ANGPT1: variants seen among roughly 807,000 people sequenced by gnomAD.
ANGPT1 encodes angiopoietin 1, also known as angiopoietin-1.
A neutral mutation model predicts 62.2 loss-of-function variants in ANGPT1; 17 were observed. The observed-to-expected ratio is 0.27, with a 90% CI of 0.19 to 0.41. The LOEUF is 0.41. Among genes scored for constraint, ANGPT1 ranks in the 10% least tolerant of loss-of-function variants. The pLI, the probability that ANGPT1 is intolerant of heterozygous loss-of-function variation, is 1.00. For synonymous variants in ANGPT1, 199 were observed against 198.9 expected (o/e 1.00, Z 0.00); for missense variants, 478 against 594.9 (o/e 0.80, Z 2.04).
chr8:107,445,105 T>G (rs1023460574), intron 1 of ANGPT1, among the ~76,000 whole-genome samples: 1 of 152,212 alleles, frequency 6.6e-6, no homozygotes, highest in Non-Finnish European at 1.5e-5. Flanking sequence ...TGTGGTTCTC[T>G]CTGCACATGC....
At chr8:107,372,478 G>A (rs1816436023) in intron 1 of ANGPT1, among the ~76,000 whole-genome samples, 1 of 152,056 alleles carries the variant, frequency 6.6e-6, no homozygotes, top group Admixed American at 6.6e-5. Flanking sequence ...TTCTTATCCT[G>A]TATTCTAATA....
intron 1 of ANGPT1, among the ~76,000 whole-genome samples, chr8:107,389,349 G>A (rs1335049690): frequency 6.6e-6 from 1 of 152,156 alleles, no homozygotes; most frequent in Non-Finnish European, 1.5e-5. Flanking sequence ...ATCTAGGTCT[G>A]CCATGCATAA....
At chr8:107,372,076 GTTAT>G in intron 1 of ANGPT1, among the ~76,000 whole-genome samples, 1 of 152,252 alleles carries the variant, frequency 6.6e-6, no homozygotes, top group East Asian at 1.9e-4. Context: ...GTGTTGTTCA[GTTAT>G]TTATAGATTT....
intron 1 of ANGPT1, among the ~76,000 whole-genome samples, chr8:107,361,736 G>T (rs186027254): frequency 5.1e-4 from 78 of 151,770 alleles, no homozygotes; most frequent in African/African-American, 1.9e-3. Context: ...TATTAAGTAT[G>T]TATAAGAACA....
rs565205511 is a variant in ANGPT1 at position 107,399,962 on chromosome 8, T to A, written c.298-52865A>T. Among the ~76,000 whole-genome samples the A allele has an allele frequency of 7.9e-5, 12 of 152,164 alleles. No individual in the cohort carries two copies. The South Asian group carries it at 2.5e-3, about 32-fold the overall frequency. On this transcript the variant is annotated intron_variant, in intron 1 of 8. Coordinates refer to ENST00000517746, the MANE Select transcript of ANGPT1 (RefSeq NM_001146.5). ...TGAAAGTATAAATTAGAGCGCTAGG[T>A]TTCTCTCCCTCTAGACCCCATCTTA...
chr8:107,384,521 G>C (rs943822460), intron 1 of ANGPT1, among the ~76,000 whole-genome samples: 6 of 152,044 alleles, frequency 3.9e-5, no homozygotes, highest in Admixed American at 2.0e-4. Context: ...TTCTTGATCA[G>C]TAAGTGCATA....
In ANGPT1 at chr8:107,251,948, A is replaced by G; in HGVS notation, c.1404T>C (p.His468=). ...GCCACTTTATCCCATTCAGTTTTCC[A>G]TGGTTTTGTCCCGCAGTATAGAACA... is the stretch of plus-strand genomic sequence containing the variant. The part of the protein sequence containing the change: ...NGMFYTAGQN[H]GKLNGIKWHY... Residue 468 remains histidine, a synonymous_variant, in exon 9 of 9, where the codon CAT becomes CAC. Coordinates refer to ENST00000517746, the MANE Select transcript of ANGPT1 (RefSeq NM_001146.5). The G allele has an allele frequency of 6.2e-7, 1 of 1,613,938 alleles. No individual in the cohort carries two copies.
chr8:107,486,544 A>C (rs78758918), intron 1 of ANGPT1, among the ~76,000 whole-genome samples: 4,836 of 152,286 alleles, frequency 0.032, 213 homozygotes, highest in African/African-American at 0.11. Flanking sequence ...CCTAGTAATA[A>C]GTAGTATTTA....
At chr8:107,332,395 A>G (rs987952937) in intron 3 of ANGPT1, among the ~76,000 whole-genome samples, 1 of 152,150 alleles carries the variant, frequency 6.6e-6, no homozygotes, top group South Asian at 2.1e-4. Context: ...GCCTAAAGAG[A>G]GCAAACTGGA....
intron 8 of ANGPT1, among the ~76,000 whole-genome samples, chr8:107,254,945 C>T (rs7815787): frequency 0.011 from 1,702 of 151,556 alleles, 29 homozygotes; most frequent in African/African-American, 0.039. Context: ...TCATTCTCTA[C>T]GATCTTCCAA....
chr8:107,443,583 C>T lies in ANGPT1; in HGVS notation c.297+53679G>A, dbSNP rs1024704552. Among the ~76,000 whole-genome samples the T allele has an allele frequency of 3.1e-4, 46 of 150,392 alleles. No individual in the cohort carries two copies. The East Asian group carries it at 7.0e-3, about 23-fold the overall frequency. On this transcript the variant is annotated intron_variant, in intron 1 of 8. Coordinates refer to ENST00000517746, the MANE Select transcript of ANGPT1 (RefSeq NM_001146.5). ...CAGCACTTTGGGAGGCTGAGGCGGG[C>T]GGATCACCTGAGGCCAGGAGTTCAA...
At chr8:107,277,492 TA>T (rs1330255955) in intron 7 of ANGPT1, among the ~76,000 whole-genome samples, 1 of 152,128 alleles carries the variant, frequency 6.6e-6, no homozygotes, top group Non-Finnish European at 1.5e-5. Context: ...CAAGAGGAAA[TA>T]TTATACTACC....
At chr8:107,448,631 G>A (rs1811680383) in intron 1 of ANGPT1, among the ~76,000 whole-genome samples, 1 of 152,124 alleles carries the variant, frequency 6.6e-6, no homozygotes, top group South Asian at 2.1e-4. Context: ...TGACCAGAAA[G>A]CAAGTGACCT....
rs117075379 is a variant in ANGPT1 at position 107,384,498 on chromosome 8, A to G, written c.298-37401T>C. ...TATGAGAAGTTCTATGTTTTTACTT[A>G]TAACACTGATATTTCTTGATCAGTA... On this transcript the variant is annotated intron_variant, in intron 1 of 8. Transcript: ENST00000517746. Among the ~76,000 whole-genome samples, 56 of 152,266 alleles carry G rather than the reference A, an allele frequency of 3.7e-4. 1 individual carries two copies. In the East Asian group the frequency reaches 9.5e-3, roughly 26 times the overall value.
intron 7 of ANGPT1, among the ~76,000 whole-genome samples, chr8:107,266,103 C>A: frequency 6.6e-6 from 1 of 152,116 alleles, no homozygotes; most frequent in African/African-American, 2.4e-5. Flanking sequence ...CTCTGAGAGG[C>A]AGACTACAAG....
chr8:107,470,017 A>G (rs1212686739), intron 1 of ANGPT1, among the ~76,000 whole-genome samples: 1 of 152,072 alleles, frequency 6.6e-6, no homozygotes, highest in East Asian at 1.9e-4. Context: ...ATATTCCACA[A>G]TTGATCTGTG....
At chr8:107,344,977 G>T (rs1815771715) in intron 2 of ANGPT1, among the ~76,000 whole-genome samples, 1 of 152,142 alleles carries the variant, frequency 6.6e-6, no homozygotes, top group Admixed American at 6.5e-5. Context: ...CAAATAAGTA[G>T]CACGAGGGTA....
chr8:107,429,554 T>C (rs1811123861), intron 1 of ANGPT1, among the ~76,000 whole-genome samples: 1 of 150,886 alleles, frequency 6.6e-6, no homozygotes. Context: ...TGCAGTGAAA[T>C]GCTTCTTACT....
chr8:107,319,149 C>A (rs1011121164), intron 4 of ANGPT1, among the ~76,000 whole-genome samples: 4 of 152,162 alleles, frequency 2.6e-5, no homozygotes, highest in African/African-American at 9.7e-5. Context: ...ATGGGATCTT[C>A]GCTTGTATAT....
Sources: gnomAD v4.1 joint callset for allele counts (sites outside exome capture counted in the v4.1 genomes callset) on GRCh38, gnomAD v4.1.1 for gene constraint, MANE v1.5 for transcripts, NCBI Gene and HGNC (gene_info 2026-07-23, HGNC 2026-07-21) for gene names.